GRM8: variants seen among roughly 807,000 people sequenced by gnomAD.
GRM8 encodes the protein metabotropic glutamate receptor 8.
GRM8 carries 47 observed loss-of-function variants against 87.2 expected under a neutral mutation model. The observed-to-expected ratio is 0.54, with a 90% CI of 0.43 to 0.69. The LOEUF is 0.69. Among genes scored for constraint, GRM8 ranks in the 30% least tolerant of loss-of-function variants. The pLI, the probability that GRM8 is intolerant of heterozygous loss-of-function variation, is 0.00. For missense variants in GRM8, 1,019 were observed against 1,139.2 expected (o/e 0.89, Z 1.52); for synonymous variants, 396 against 404.5 (o/e 0.98, Z 0.25).
chr7:126,704,520 C>T (rs908745201), intron 7 of GRM8, among the ~76,000 whole-genome samples: 8 of 152,150 alleles, frequency 5.3e-5, no homozygotes, highest in African/African-American at 1.9e-4. Context: ...CTCTGACCAC[C>T]AGTGAGCCGG....
chr7:126,879,511 C>T (rs1244336236), intron 6 of GRM8, among the ~76,000 whole-genome samples: 1 of 152,088 alleles, frequency 6.6e-6, no homozygotes, highest in African/African-American at 2.4e-5. Context: ...CCATTTAAAA[C>T]ACATTTGGGA....
chr7:127,245,634 CT>C (rs1798546617), intron 1 of GRM8, among the ~76,000 whole-genome samples: 1 of 152,036 alleles, frequency 6.6e-6, no homozygotes, highest in African/African-American at 2.4e-5. Context: ...CATCTCATAG[CT>C]TTGTTTGGAG....
intron 7 of GRM8, among the ~76,000 whole-genome samples, chr7:126,724,406 C>A (rs1314403806): frequency 6.6e-6 from 1 of 152,050 alleles, no homozygotes; most frequent in Non-Finnish European, 1.5e-5. Flanking sequence ...CAGGAAAACT[C>A]GAGGCCCTAG....
chr7:127,153,766 C>T (rs1274181730), intron 2 of GRM8, among the ~76,000 whole-genome samples: 2 of 152,098 alleles, frequency 1.3e-5, no homozygotes, highest in Non-Finnish European at 2.9e-5. Context: ...TCATATTTGA[C>T]TCAATTAGAA....
chr7:126,901,285 C>G (rs1802049903), intron 6 of GRM8, among the ~76,000 whole-genome samples: 1 of 152,226 alleles, frequency 6.6e-6, no homozygotes, highest in African/African-American at 2.4e-5. Flanking sequence ...GCGAGGCATA[C>G]TCAGACCACA....
At chr7:126,991,899 G>C (rs1260945945) in intron 3 of GRM8, among the ~76,000 whole-genome samples, 15 of 152,094 alleles carry the variant, frequency 9.9e-5, no homozygotes, top group Admixed American at 9.8e-4. Context: ...CATCAGTGAG[G>C]TTCAGTGGCT....
intron 9 of GRM8, among the ~76,000 whole-genome samples, chr7:126,446,784 A>C (rs1433711235): frequency 6.6e-6 from 1 of 151,962 alleles, no homozygotes; most frequent in African/African-American, 2.4e-5. Context: ...AAGTATACAT[A>C]GTGAAAATAG....
chr7:127,098,539 T>A (rs1157251335), intron 3 of GRM8, among the ~76,000 whole-genome samples: 1 of 152,080 alleles, frequency 6.6e-6, no homozygotes, highest in Non-Finnish European at 1.5e-5. Flanking sequence ...AATTGTACAC[T>A]AGGGATGAAA....
chr7:126,691,835 C>A (rs1808847570), intron 7 of GRM8, among the ~76,000 whole-genome samples: 1 of 152,154 alleles, frequency 6.6e-6, no homozygotes, highest in Admixed American at 6.5e-5. Context: ...CTAAAATACA[C>A]CTGACAGATC....
intron 7 of GRM8, among the ~76,000 whole-genome samples, chr7:126,725,950 C>T (rs1812922489): frequency 6.6e-6 from 1 of 152,100 alleles, no homozygotes; most frequent in South Asian, 2.1e-4. Context: ...GAGGGATCTG[C>T]CCCCAGGATG....
intron 2 of GRM8, among the ~76,000 whole-genome samples, chr7:127,118,862 G>C (rs1362171571): frequency 6.6e-6 from 1 of 152,104 alleles, no homozygotes; most frequent in Non-Finnish European, 1.5e-5. Context: ...CTCCTTTATG[G>C]TTGTAAGTCA....
chr7:126,642,042 T>A (rs950246416), intron 7 of GRM8, among the ~76,000 whole-genome samples: 4 of 151,958 alleles, frequency 2.6e-5, no homozygotes, highest in African/African-American at 9.7e-5. Context: ...ACAAAATGAG[T>A]AGATATTGGG....
Position 127,231,104 on chromosome 7 carries a change from C to A in GRM8, c.510+11591G>T, listed in dbSNP as rs567537182. On this transcript the variant is annotated intron_variant, in intron 2 of 10. Coordinates refer to ENST00000339582, the MANE Select transcript of GRM8 (RefSeq NM_000845.3). ...ATTATCCACTACAATGTCGAACATG[C>A]GGCATATACCTATGGGATGCTGCAT... Among the ~76,000 whole-genome samples, 8 of 152,268 alleles carry A rather than the reference C, an allele frequency of 5.3e-5. No individual in the cohort carries two copies. In the South Asian group the frequency reaches 1.0e-3, roughly 20 times the overall value.
chr7:126,893,508 G>C (rs1801262404), intron 6 of GRM8, among the ~76,000 whole-genome samples: 1 of 151,870 alleles, frequency 6.6e-6, no homozygotes, highest in South Asian at 2.1e-4. Context: ...TGCCAAGCTA[G>C]GCACCATGCA....
chr7:127,204,264 T>C (rs912269768), intron 2 of GRM8, among the ~76,000 whole-genome samples: 1 of 152,202 alleles, frequency 6.6e-6, no homozygotes, highest in Non-Finnish European at 1.5e-5. Flanking sequence ...TTATTATACA[T>C]ATCTAACTTT....
At chr7:126,972,446 G>C (rs76962554) in intron 3 of GRM8, among the ~76,000 whole-genome samples, 1 of 151,914 alleles carries the variant, frequency 6.6e-6, no homozygotes, top group Non-Finnish European at 1.5e-5. Context: ...TCTCTTCTCG[G>C]AATCAAATTT....
At chr7:126,446,522 C>A (rs1802040933) in intron 9 of GRM8, 150 bp from the exon 10 acceptor site, 3 of 598,100 alleles carry the variant, frequency 5.0e-6, no homozygotes, top group Non-Finnish European at 8.8e-6. Context: ...TTATAGTCAA[C>A]CATTCCTGTG....
Position 127,135,024 on chromosome 7 carries a change from T to C in GRM8, c.511-28312A>G, listed in dbSNP as rs552179098. On this transcript the variant is annotated intron_variant, in intron 2 of 10. Coordinates refer to ENST00000339582, the MANE Select transcript of GRM8 (RefSeq NM_000845.3). ...TGTTTAACACATCATTGCTAAAAAA[T>C]GATGTGTTAAATAATTCTAATCATA... is the stretch of plus-strand genomic sequence containing the variant. Among the ~76,000 whole-genome samples, 6 of 152,210 alleles carry C rather than the reference T, an allele frequency of 3.9e-5. No homozygotes were observed. The East Asian group carries it at 1.2e-3, about 29-fold the overall frequency.
At chr7:126,953,331 T>C (rs1808350140) in intron 3 of GRM8, among the ~76,000 whole-genome samples, 1 of 152,122 alleles carries the variant, frequency 6.6e-6, no homozygotes, top group Non-Finnish European at 1.5e-5. Flanking sequence ...TGAGGTTTTA[T>C]TCCTCAGCTA....
Sources: allele counts gnomAD v4.1 joint callset (sites outside exome capture counted in the v4.1 genomes callset), GRCh38; gene constraint gnomAD v4.1.1; transcripts MANE v1.5; gene names NCBI Gene and HGNC (gene_info 2026-07-23, HGNC 2026-07-21).